ACAD11: variants seen among roughly 807,000 people sequenced by gnomAD.
ACAD11 encodes the protein acyl-Coenzyme A dehydrogenase family, member 11.
ACAD11 carries 83 observed loss-of-function variants against 102.2 expected under a neutral mutation model. The ratio of observed to expected loss-of-function variants is 0.81; its 90% CI spans 0.68 to 0.97. ACAD11 has a LOEUF of 0.97. ACAD11 is among the 50% of genes least tolerant of loss of function. The probability of loss-of-function intolerance (pLI) is 0.00; values close to 1 mark genes in which losing one functional copy is unlikely to be tolerated. For synonymous variants in ACAD11, 324 were observed against 319.8 expected (o/e 1.01, Z -0.14); for missense variants, 901 against 951.7 (o/e 0.95, Z 0.70).
intron 17 of ACAD11, among the ~76,000 whole-genome samples, chr3:132,567,809 T>A (rs1006312987): frequency 6.6e-6 from 1 of 152,114 alleles, no homozygotes; most frequent in Non-Finnish European, 1.5e-5. Context: ...GAGAACAAGA[T>A]AAGAATGTCA....
intron 4 of ACAD11, among the ~76,000 whole-genome samples, chr3:132,639,859 C>G (rs187359982): frequency 1.3e-5 from 2 of 152,118 alleles, no homozygotes; most frequent in African/African-American, 4.8e-5. Flanking sequence ...TTCCATTTTA[C>G]TTACCTAGTT....
intron 11 of ACAD11, among the ~76,000 whole-genome samples, chr3:132,609,862 C>T (rs1273297368): frequency 6.6e-6 from 1 of 152,096 alleles, no homozygotes. Context: ...TGATGAACAT[C>T]GAAGTGAAAA....
intron 13 of ACAD11, among the ~76,000 whole-genome samples, chr3:132,594,450 T>C (rs1938213873): frequency 6.6e-6 from 1 of 152,182 alleles, no homozygotes; most frequent in South Asian, 2.1e-4. Context: ...AAACTTTATG[T>C]CTGTGGAGGA....
intron 13 of ACAD11, among the ~76,000 whole-genome samples, chr3:132,594,611 T>A (rs966553425): frequency 7.9e-5 from 12 of 152,144 alleles, no homozygotes; most frequent in Non-Finnish European, 1.5e-4. Flanking sequence ...GTACCAACAA[T>A]ACAGTGAAAA....
chr3:132,622,831 A>T (rs1238996036), intron 9 of ACAD11, among the ~76,000 whole-genome samples: 1 of 152,208 alleles, frequency 6.6e-6, no homozygotes, highest in Non-Finnish European at 1.5e-5. Context: ...TTGGTTCAGC[A>T]TCTTAAATCT....
rs531290440 is a variant in ACAD11 at position 132,567,433 on chromosome 3, A to T, written c.2002-6216T>A. Among the ~76,000 whole-genome samples the T allele has an allele frequency of 4.6e-5, 7 of 152,336 alleles. No homozygotes were observed. In the South Asian group the frequency reaches 1.5e-3, roughly 32 times the overall value. ...GATAGATAGATAAACATGTATATAT[A>T]ATACCTAGAACAACCACCAAAACAG... On this transcript the variant is annotated intron_variant, in intron 17 of 19. Coordinates refer to ENST00000264990, the MANE Select transcript of ACAD11 (RefSeq NM_032169.5).
intron 1 of ACAD11, 128 bp downstream of exon 1, chr3:132,659,475 G>A (rs1938008175): frequency 1.5e-6 from 2 of 1,343,074 alleles, no homozygotes; most frequent in Non-Finnish European, 2.0e-6. Flanking sequence ...CATGCCTGTA[G>A]GGTGCGTCCA....
intron 17 of ACAD11, among the ~76,000 whole-genome samples, chr3:132,562,400 TATTCATA>T (rs1194536455): frequency 1.3e-5 from 2 of 152,182 alleles, no homozygotes; most frequent in Admixed American, 1.3e-4. Flanking sequence ...ATCGCGAGAT[TATTCATA>T]GAGTTTCTGT....
intron 13 of ACAD11, among the ~76,000 whole-genome samples, chr3:132,595,089 C>G (rs540447390): frequency 6.6e-6 from 1 of 152,234 alleles, no homozygotes; most frequent in South Asian, 2.1e-4. Flanking sequence ...TGCTATGGGT[C>G]TGGTGGACTG....
chr3:132,567,502 T>C (rs143507535), intron 17 of ACAD11, among the ~76,000 whole-genome samples: 50 of 151,882 alleles, frequency 3.3e-4, no homozygotes, highest in African/African-American at 1.2e-3. Flanking sequence ...TAAATCAAAA[T>C]GTAGTTCTAA....
chr3:132,568,219 C>A (rs1937268148), intron 17 of ACAD11, among the ~76,000 whole-genome samples: 1 of 152,036 alleles, frequency 6.6e-6, no homozygotes, highest in Admixed American at 6.6e-5. Flanking sequence ...AACAGTGAAA[C>A]TTCATCTCAA....
In ACAD11 at chr3:132,619,561, GAAAAAAATT is replaced by G; in HGVS notation, c.1198-25_1198-17del. On this transcript the variant is annotated splice_polypyrimidine_tract_variant and intron_variant, in intron 9 of 19. Transcript: ENST00000264990. The stretch of plus-strand genomic sequence containing the variant: ...CAGTTACCTCCTTAAAGTAATAAAA[GAAAAAAATT>G]TCACTAGCTAAAGTTAATACAAAGT... 1 of 1,478,212 alleles carries G rather than the reference GAAAAAAATT, an allele frequency of 6.8e-7. No individual in the cohort carries two copies. The highest frequency in any genetic ancestry group is 9.1e-7 in the Non-Finnish European group (1 of 1,093,750). The allele number at this position is 1,478,212 out of a possible 1,614,324, so 91.6% of individuals were successfully genotyped here. A position where few individuals can be genotyped will look rare whatever the true frequency, so the allele number is the denominator to read the frequency against.
At chr3:132,629,761 T>G (rs1939961895) in intron 7 of ACAD11, among the ~76,000 whole-genome samples, 5 of 152,154 alleles carry the variant, frequency 3.3e-5, no homozygotes, top group Admixed American at 3.3e-4. Context: ...ATTTACCTGT[T>G]TTTCTTCTAA....
chr3:132,575,849 A>G lies in ACAD11; in HGVS notation c.1924T>C (p.Leu642=), dbSNP rs567177673. Residue 642 remains leucine, a synonymous_variant, in exon 17 of 20, where the codon TTG becomes CTG. Transcript: ENST00000264990. ...ATGATCTGCAAAGCGCGTTCCGCCA[A>G]ACCTACTGTTCTCATACAGTGGTGG... ...RIHHCMRTVG[L]AERALQIMCE... 8.7e-6 allele frequency: 14 copies of G among 1,614,102 alleles called. No individual in the cohort carries two copies. The African/African-American group carries it at 1.7e-4, about 20-fold the overall frequency.
At chr3:132,655,440 C>A (rs1452608169) in intron 1 of ACAD11, among the ~76,000 whole-genome samples, 1 of 152,190 alleles carries the variant, frequency 6.6e-6, no homozygotes, top group Non-Finnish European at 1.5e-5. Flanking sequence ...GTCCCTGTTG[C>A]CCTTGCTTAC....
chr3:132,600,428 T>C (rs1938518461), intron 13 of ACAD11: 1 of 1,605,556 alleles, frequency 6.2e-7, no homozygotes, highest in African/African-American at 1.3e-5. Flanking sequence ...GTCAACAGAT[T>C]ATTATTATGA....
chr3:132,564,719 A>G (rs898799306), intron 17 of ACAD11, among the ~76,000 whole-genome samples: 1 of 152,224 alleles, frequency 6.6e-6, no homozygotes, highest in East Asian at 1.9e-4. Context: ...TATGTCTGAT[A>G]TCCTCTGCTT....
intron 17 of ACAD11, among the ~76,000 whole-genome samples, chr3:132,568,801 C>CAAAAAAAAAAA (rs755568917): frequency 2.9e-4 from 20 of 68,672 alleles, no homozygotes; most frequent in South Asian, 1.4e-3. Flanking sequence ...CATCCACAGG[C>CAAAAAAAAAAA]AAAAAAAAAA....
intron 13 of ACAD11, chr3:132,601,246 C>A: frequency 6.2e-7 from 1 of 1,613,998 alleles, no homozygotes; most frequent in South Asian, 1.1e-5. Context: ...GCATGGACAT[C>A]GCCATCCAAG....
Sources: allele counts gnomAD v4.1 joint callset (sites outside exome capture counted in the v4.1 genomes callset), GRCh38; gene constraint gnomAD v4.1.1; transcripts MANE v1.5; gene names NCBI Gene and HGNC (gene_info 2026-07-23, HGNC 2026-07-21).